ATP10D: variants seen among roughly 807,000 people sequenced by gnomAD.
The protein encoded by ATP10D is phospholipid-transporting ATPase VD.
In ATP10D, 89 loss-of-function variants were observed where a neutral mutation model predicts 144.8. The ratio of observed to expected loss-of-function variants is 0.61; its 90% CI spans 0.52 to 0.73. ATP10D has a LOEUF of 0.73. ATP10D is among the 30% of genes least tolerant of loss of function. ATP10D has a pLI of 0.00. For missense variants in ATP10D, 1,603 were observed against 1,714.8 expected (o/e 0.93, Z 1.15); for synonymous variants, 571 against 615.1 (o/e 0.93, Z 1.06).
At chr4:47,523,252 A>AT (rs752006414) in intron 4 of ATP10D, 36 bp downstream of exon 4, 169 of 1,544,074 alleles carry the variant, frequency 1.1e-4, no homozygotes, top group East Asian at 3.4e-4. Flanking sequence ...GCTTATTAAC[A>AT]TTTTTTTTCA....
chr4:47,589,486 G>A (rs1234395910), intron 22 of ATP10D, among the ~76,000 whole-genome samples: 1 of 152,060 alleles, frequency 6.6e-6, no homozygotes, highest in Non-Finnish European at 1.5e-5. Context: ...CCTTACACAG[G>A]CTCTTGGTAG....
intron 10 of ATP10D, chr4:47,547,545 T>G (rs1679459136): frequency 6.6e-6 from 1 of 152,236 alleles, no homozygotes; most frequent in Non-Finnish European, 1.5e-5. Flanking sequence ...TAAAATTACC[T>G]GTATAAAAGT....
At chr4:47,510,339 A>G (rs1183018700) in intron 1 of ATP10D, among the ~76,000 whole-genome samples, 2 of 152,128 alleles carry the variant, frequency 1.3e-5, no homozygotes, top group East Asian at 1.9e-4. Flanking sequence ...GAAGGGGGCC[A>G]TGGAGGGCAG....
intron 11 of ATP10D, among the ~76,000 whole-genome samples, chr4:47,555,348 G>A (rs1038925434): frequency 4.6e-5 from 7 of 152,166 alleles, no homozygotes; most frequent in African/African-American, 9.7e-5. Flanking sequence ...CACCCAACCC[G>A]TCTGTGGAAA....
chr4:47,494,408 C>T (rs2109382864), intron 1 of ATP10D, among the ~76,000 whole-genome samples: 1 of 152,044 alleles, frequency 6.6e-6, no homozygotes, highest in East Asian at 1.9e-4. Context: ...AACTAATTAA[C>T]TCTGTAAAAT....
intron 16 of ATP10D, among the ~76,000 whole-genome samples, chr4:47,569,495 T>A (rs1034113758): frequency 3.9e-5 from 6 of 152,296 alleles, no homozygotes; most frequent in African/African-American, 1.4e-4. Context: ...TTCAAGGACA[T>A]GAGAATTCAT....
At chr4:47,559,748 G>C (rs113493803) in intron 13 of ATP10D, among the ~76,000 whole-genome samples, 1 of 152,130 alleles carries the variant, frequency 6.6e-6, no homozygotes. Context: ...AGTAGCTCAC[G>C]CCTGTAATCA....
chr4:47,547,027 A>G (rs1718477573), intron 10 of ATP10D, 165 bp downstream of exon 10: 4 of 630,756 alleles, frequency 6.3e-6, no homozygotes, highest in Non-Finnish European at 5.5e-6. Context: ...GTATAAACAA[A>G]CAATATCACA....
At chr4:47,491,828 C>T (rs1000942990) in intron 1 of ATP10D, among the ~76,000 whole-genome samples, 15 of 152,104 alleles carry the variant, frequency 9.9e-5, no homozygotes, top group Non-Finnish European at 2.9e-5. Flanking sequence ...CCTTTCTATC[C>T]TCTGACCTCG....
intron 3 of ATP10D, among the ~76,000 whole-genome samples, chr4:47,521,741 T>C (rs1026388901): frequency 2.0e-5 from 3 of 152,306 alleles, no homozygotes; most frequent in Non-Finnish European, 2.9e-5. Flanking sequence ...GTTACCTGCC[T>C]CTATGGAAGA....
chr4:47,487,312 A>G (rs1022658033), intron 1 of ATP10D, among the ~76,000 whole-genome samples: 4 of 152,128 alleles, frequency 2.6e-5, no homozygotes, highest in African/African-American at 9.7e-5. Flanking sequence ...ATATGATTAT[A>G]ATTTATAATA....
At chr4:47,504,757 G>C (rs1303763162) in intron 1 of ATP10D, among the ~76,000 whole-genome samples, 1 of 152,070 alleles carries the variant, frequency 6.6e-6, no homozygotes, top group Non-Finnish European at 1.5e-5. Context: ...TAGAGACGGG[G>C]TTTCACCGTG....
intron 12 of ATP10D, among the ~76,000 whole-genome samples, 166 bp from the exon 13 acceptor site, chr4:47,558,757 A>C (rs1445652248): frequency 2.6e-5 from 4 of 152,242 alleles, no homozygotes; most frequent in Admixed American, 2.6e-4. Context: ...AAACGAGGGA[A>C]AGATTTATTC....
intron 3 of ATP10D, among the ~76,000 whole-genome samples, chr4:47,520,334 T>C (rs373144005): frequency 6.6e-6 from 1 of 152,154 alleles, no homozygotes; most frequent in South Asian, 2.1e-4. Context: ...TCCATCTGTA[T>C]TTTTCATCTC....
rs1720967456 is a variant in ATP10D at position 47,590,203 on chromosome 4, G to A, written c.3942-839G>A. Among the ~76,000 whole-genome samples the A allele has an allele frequency of 2.0e-5, 3 of 152,080 alleles. No homozygotes were observed. In the South Asian group the frequency reaches 6.2e-4, roughly 31 times the overall value. ...GGAATGAACTTGGATATTTGGCAGA[G>A]GAGGTTTCTAAGCAAAGTGTCAAAG... On this transcript the variant is annotated intron_variant, in intron 22 of 22. Coordinates refer to ENST00000273859, the MANE Select transcript of ATP10D (RefSeq NM_020453.4).
chr4:47,510,876 C>A (rs1716289047), intron 1 of ATP10D, among the ~76,000 whole-genome samples: 1 of 152,116 alleles, frequency 6.6e-6, no homozygotes, highest in African/African-American at 2.4e-5. Flanking sequence ...AGAAATAAAT[C>A]AAATTGTGCT....
chr4:47,515,161 G>A (rs1053273592), intron 2 of ATP10D, among the ~76,000 whole-genome samples: 10 of 151,764 alleles, frequency 6.6e-5, no homozygotes, highest in South Asian at 2.1e-4. Flanking sequence ...GGGTTTTACC[G>A]TGTTGCCCAG....
intron 1 of ATP10D, among the ~76,000 whole-genome samples, chr4:47,510,635 G>A (rs949138923): frequency 2.0e-5 from 3 of 152,154 alleles, no homozygotes; most frequent in East Asian, 1.9e-4. Context: ...GTTTGCTAGC[G>A]TGAGGTTATT....
intron 21 of ATP10D, chr4:47,583,195 A>T (rs1336381996): frequency 6.6e-6 from 1 of 152,176 alleles, no homozygotes; most frequent in African/African-American, 2.4e-5. Context: ...GCATTAGCCT[A>T]TGCTCTCTGC....
Sources: gnomAD v4.1 joint callset for allele counts (sites outside exome capture counted in the v4.1 genomes callset) on GRCh38, gnomAD v4.1.1 for gene constraint, MANE v1.5 for transcripts, NCBI Gene and HGNC (gene_info 2026-07-23, HGNC 2026-07-21) for gene names.